Variants in RRM2 observed in about 807,000 individuals in gnomAD.
The protein encoded by RRM2 is ribonucleotide reductase regulatory subunit M2.
Under a neutral mutation model 45.9 loss-of-function variants are expected in RRM2, and 6 were observed. The observed-to-expected ratio is 0.13, with a 90% CI of 0.07 to 0.26. RRM2 has a LOEUF of 0.26. Among genes scored for constraint, RRM2 ranks in the 10% least tolerant of loss-of-function variants. RRM2 has a pLI of 1.00. For missense variants in RRM2, 343 were observed against 489.5 expected (o/e 0.70, Z 2.82); for synonymous variants, 177 against 173.0 (o/e 1.02, Z -0.18).
intron 3 of RRM2, among the ~76,000 whole-genome samples, chr2:10,170,739 C>T (rs577173323): frequency 2.2e-4 from 33 of 152,274 alleles, no homozygotes; most frequent in African/African-American, 7.9e-4. Flanking sequence ...TGCAGGCTCC[C>T]GTGTGCCTGG....
intron 3 of RRM2, among the ~76,000 whole-genome samples, chr2:10,161,258 C>T (rs1047500600): frequency 1.3e-5 from 2 of 152,116 alleles, no homozygotes; most frequent in African/African-American, 2.4e-5. Context: ...AGGGTTTCCT[C>T]GTGTTGCCCA....
intron 3 of RRM2, among the ~76,000 whole-genome samples, chr2:10,157,128 A>G (rs2125317239): frequency 7.1e-6 from 1 of 141,062 alleles, no homozygotes; most frequent in East Asian, 2.1e-4. Context: ...TCCCAGGTTC[A>G]CGCCATTCTC....
At chr2:10,128,228 A>C (rs1360168492) in intron 7 of RRM2, among the ~76,000 whole-genome samples, 1 of 152,146 alleles carries the variant, frequency 6.6e-6, no homozygotes, top group Admixed American at 6.5e-5. Flanking sequence ...CTTCAATATT[A>C]ATAAGCATTT....
upstream of RRM2, among the ~76,000 whole-genome samples, chr2:10,137,910 C>T (rs562988542): frequency 1.3e-5 from 2 of 152,304 alleles, no homozygotes; most frequent in South Asian, 4.1e-4. Flanking sequence ...TTCCTCTGGA[C>T]TGATGTGGGT....
chr2:10,139,866 A>G (rs555375552), upstream of RRM2, among the ~76,000 whole-genome samples: 2 of 152,252 alleles, frequency 1.3e-5, no homozygotes, highest in African/African-American at 4.8e-5. Flanking sequence ...TCCAATGTTA[A>G]CGGAGCAGGG....
chr2:10,172,836 G>C lies in RRM2; in HGVS notation n.482+30461G>C, dbSNP rs1208337291. Among the ~76,000 whole-genome samples, 1 of 152,180 alleles carries C rather than the reference G, an allele frequency of 6.6e-6. No homozygotes were observed. The highest frequency in any genetic ancestry group is 1.9e-4 in the East Asian group (1 of 5,202). On this transcript the variant is annotated intron_variant and non_coding_transcript_variant, in intron 3 of 3. Coordinates refer to the RRM2 transcript ENST00000381786. This position sits in a 1 kb window ranked among gnomAD's most constrained non-coding sequence, Gnocchi z 4.9. ...CAGCAGAGCCTGAAACCGAGCTCAG[G>C]GCCCATCTGAGCAGGGGCCCGGTGT...
intron 3 of RRM2, among the ~76,000 whole-genome samples, chr2:10,200,796 C>G (rs1348017469): frequency 3.3e-5 from 5 of 152,186 alleles, no homozygotes; most frequent in African/African-American, 4.8e-5. Context: ...GCACACCATT[C>G]CAGTCAAAGC....
intron 3 of RRM2, among the ~76,000 whole-genome samples, chr2:10,189,954 GTGATGGTGGTAGTGATGGTGA>G (rs1267574474): frequency 6.6e-6 from 1 of 152,028 alleles, no homozygotes; most frequent in East Asian, 1.9e-4. Flanking sequence ...GATAATGGTG[GTGATGGTGGTAGTGATGGTGA>G]TGATGGTGGT....
At position 10,204,889 on chromosome 2, in the gene RRM2, C is replaced by T. The variant is rs933406555; in HGVS notation, n.483-5422C>T. On this transcript the variant is annotated intron_variant and non_coding_transcript_variant, in intron 3 of 3. Coordinates refer to the RRM2 transcript ENST00000381786. This position sits in a 1 kb window ranked among gnomAD's most constrained non-coding sequence, Gnocchi z 4.0. Reference sequence around the variant, plus strand: ...CACTAACAGGCGTCGCCAAGACCAGCCAGGTGCAGACCTTGGGTGGGTCCT... The same window carrying T: ...CACTAACAGGCGTCGCCAAGACCAGTCAGGTGCAGACCTTGGGTGGGTCCT... Among the ~76,000 whole-genome samples the T allele has an allele frequency of 6.6e-6, 1 of 152,200 alleles. No homozygotes were observed. The highest frequency in any genetic ancestry group is 2.4e-5 in the African/African-American group (1 of 41,448).
upstream of RRM2, among the ~76,000 whole-genome samples, chr2:10,138,642 T>G (rs889892587): frequency 6.6e-6 from 1 of 152,124 alleles, no homozygotes; most frequent in African/African-American, 2.4e-5. Context: ...TTGGAGCCAG[T>G]TCTCACTGCT....
downstream of RRM2, among the ~76,000 whole-genome samples, chr2:10,134,079 G>A (rs1208637746): frequency 6.0e-5 from 9 of 150,984 alleles, no homozygotes; most frequent in Middle Eastern, 3.4e-3. Flanking sequence ...TCCGGAGGCT[G>A]AGGCAGGAGA....
chr2:10,153,190 A>G (rs1329199318), intron 3 of RRM2, among the ~76,000 whole-genome samples: 1 of 151,708 alleles, frequency 6.6e-6, no homozygotes, highest in Non-Finnish European at 1.5e-5. Context: ...AAATCAGCTG[A>G]GTGTGTGCTG....
At chr2:10,191,704 C>T (rs1220366508) in intron 3 of RRM2, among the ~76,000 whole-genome samples, 1 of 152,076 alleles carries the variant, frequency 6.6e-6, no homozygotes, top group East Asian at 1.9e-4. Context: ...ACCCAGCCCT[C>T]CTGACCAGGC....
At chr2:10,190,911 C>T (rs910342515) in intron 3 of RRM2, among the ~76,000 whole-genome samples, 5 of 152,014 alleles carry the variant, frequency 3.3e-5, no homozygotes, top group African/African-American at 1.2e-4. Context: ...AGTCCCCATG[C>T]GCACTTCCTC....
At chr2:10,210,489 T>C (rs775880336) in exon 4 of RRM2, 1 of 1,367,794 alleles carries the variant, frequency 7.3e-7, no homozygotes, top group Non-Finnish European at 9.8e-7. Context: ...TCACCAAGAA[T>C]GCACAGAGGG....
chr2:10,176,906 G>A (rs535653487), intron 3 of RRM2, among the ~76,000 whole-genome samples: 81 of 152,250 alleles, frequency 5.3e-4, no homozygotes, highest in African/African-American at 1.8e-3. Flanking sequence ...GTAGGCAATT[G>A]TTTCACTTTA....
chr2:10,140,392 T>C (rs1256645503), upstream of RRM2, among the ~76,000 whole-genome samples: 2 of 152,242 alleles, frequency 1.3e-5, no homozygotes, highest in Admixed American at 6.5e-5. Context: ...GCCTTCACCA[T>C]GGATAAGAGA....
chr2:10,125,641 G>C (rs1438260268), intron 5 of RRM2, among the ~76,000 whole-genome samples: 1 of 152,142 alleles, frequency 6.6e-6, no homozygotes, highest in Non-Finnish European at 1.5e-5. Flanking sequence ...TTGCGCTCCA[G>C]CCTGGGTGAC....
intron 3 of RRM2, among the ~76,000 whole-genome samples, chr2:10,146,923 TC>T (rs1426144881): frequency 6.6e-6 from 1 of 152,202 alleles, no homozygotes; most frequent in Non-Finnish European, 1.5e-5. Context: ...TTTTCTAACT[TC>T]CTGTTTTAGA....
Sources: gnomAD v4.1 joint callset for allele counts (sites outside exome capture counted in the v4.1 genomes callset) on GRCh38, gnomAD v4.1.1 for gene constraint, Gnocchi (gnomAD v3.1) non-coding constraint, MANE v1.5 for transcripts, NCBI Gene and HGNC (gene_info 2026-07-23, HGNC 2026-07-21) for gene names.